Variants in SASH1 observed in about 807,000 individuals in gnomAD.
SASH1 encodes the protein SAM and SH3 domain containing 1.
A neutral mutation model predicts 125.2 loss-of-function variants in SASH1; 44 were observed. That is an observed-to-expected ratio of 0.35 (90% CI 0.28 to 0.45). SASH1 has a LOEUF of 0.45. Ranked by LOEUF, SASH1 falls within the 20% of genes least tolerant of loss-of-function variation. The pLI is 1.00. For synonymous variants in SASH1, 639 were observed against 649.1 expected (o/e 0.98, Z 0.24); for missense variants, 1,426 against 1,614.5 (o/e 0.88, Z 2.00).
intron 10 of SASH1, among the ~76,000 whole-genome samples, chr6:148,523,387 A>ACAT (rs113917691): frequency 2.6e-5 from 4 of 152,328 alleles, no homozygotes; most frequent in African/African-American, 9.6e-5. Flanking sequence ...GGTGGTCATA[A>ACAT]CATTGCTTAC....
At chr6:148,326,906 G>A (rs1463523937) in intron 1 of SASH1, among the ~76,000 whole-genome samples, 1 of 152,064 alleles carries the variant, frequency 6.6e-6, no homozygotes, top group Non-Finnish European at 1.5e-5. Context: ...TACCTCCACC[G>A]TCACATCCTG....
chr6:148,413,539 C>T (rs894115022), intron 2 of SASH1, among the ~76,000 whole-genome samples: 4 of 152,134 alleles, frequency 2.6e-5, no homozygotes, highest in African/African-American at 9.7e-5. Context: ...GCTGCTGGGA[C>T]ATTCTTGTGG....
intron 1 of SASH1, among the ~76,000 whole-genome samples, chr6:148,378,438 T>A (rs898940507): frequency 2.0e-5 from 3 of 152,058 alleles, no homozygotes; most frequent in Admixed American, 6.6e-5. Context: ...CACTGCAGCC[T>A]CTGCCTCCCT....
chr6:148,204,596 G>A, the SASH1 span, among the ~76,000 whole-genome samples: 2 of 152,272 alleles, frequency 1.3e-5, no homozygotes, highest in African/African-American at 4.8e-5. Flanking sequence ...GGAGGCTGAG[G>A]TAGGAGAATC....
At position 148,527,435 on chromosome 6, in the gene SASH1, C is replaced by G. The variant is rs1781243818; in HGVS notation, c.1285-18C>G. On this transcript the variant is annotated intron_variant, in intron 11 of 19. Coordinates refer to ENST00000367467, the MANE Select transcript of SASH1 (RefSeq NM_015278.5). ...CATTTTCTGCGACCAACAATACTTGCAACATTTTGTTTTACAGGGTAAAGA... is the reference window on the plus strand; with the variant it reads ...CATTTTCTGCGACCAACAATACTTGGAACATTTTGTTTTACAGGGTAAAGA... 4 of 1,553,638 alleles carry G rather than the reference C, an allele frequency of 2.6e-6. No individual in the cohort carries two copies. The highest frequency in any genetic ancestry group is 3.5e-6 in the Non-Finnish European group (4 of 1,155,956).
the SASH1 span, among the ~76,000 whole-genome samples, chr6:148,225,345 T>C: frequency 6.6e-6 from 1 of 152,222 alleles, no homozygotes; most frequent in African/African-American, 2.4e-5. Context: ...AGATTGAGAG[T>C]AGATTAAAAA....
At chr6:148,419,525 T>C (rs986222339) in intron 2 of SASH1, among the ~76,000 whole-genome samples, 4 of 152,244 alleles carry the variant, frequency 2.6e-5, no homozygotes, top group African/African-American at 9.6e-5. Flanking sequence ...ATCATATCTC[T>C]AGGTTCACGT....
chr6:148,442,918 C>T (rs1050504284), intron 4 of SASH1, among the ~76,000 whole-genome samples: 3 of 151,996 alleles, frequency 2.0e-5, no homozygotes, highest in African/African-American at 7.2e-5. Flanking sequence ...AGATTACAGG[C>T]ACCCGCCACC....
At chr6:148,311,925 T>C (rs1194536076) in intron 1 of SASH1, among the ~76,000 whole-genome samples, 1 of 152,204 alleles carries the variant, frequency 6.6e-6, no homozygotes, top group African/African-American at 2.4e-5. Context: ...AGGTAAACTC[T>C]GGTACATCCC....
chr6:148,441,779 G>A (rs1381206174), intron 4 of SASH1, among the ~76,000 whole-genome samples: 1 of 152,100 alleles, frequency 6.6e-6, no homozygotes, highest in Non-Finnish European at 1.5e-5. Context: ...AGTTAGGCTG[G>A]GTAGTACTTC....
intron 1 of SASH1, among the ~76,000 whole-genome samples, chr6:148,351,269 G>A (rs1238252283): frequency 7.9e-6 from 1 of 127,186 alleles, no homozygotes; most frequent in Non-Finnish European, 1.6e-5. Flanking sequence ...AAATATATTT[G>A]TATTTATGTT....
At chr6:148,393,060 T>G (rs1223315834) in intron 2 of SASH1, among the ~76,000 whole-genome samples, 1 of 148,924 alleles carries the variant, frequency 6.7e-6, no homozygotes, top group Non-Finnish European at 1.5e-5. Flanking sequence ...TTTTTTTTTT[T>G]TTTGAGATGG....
chr6:148,526,692 A>G (rs1455759820), intron 11 of SASH1, among the ~76,000 whole-genome samples: 2 of 152,138 alleles, frequency 1.3e-5, no homozygotes, highest in African/African-American at 4.8e-5. Context: ...GCTCTTTAAG[A>G]GAGAGAAATT....
At chr6:148,275,849 G>A (rs1779169458) in intron 1 of SASH1, among the ~76,000 whole-genome samples, 1 of 152,040 alleles carries the variant, frequency 6.6e-6, no homozygotes, top group African/African-American at 2.4e-5. Flanking sequence ...AGCCTCCCAC[G>A]TAGCAGGGAC....
At chr6:148,328,789 C>T (rs962820617) in intron 1 of SASH1, among the ~76,000 whole-genome samples, 3 of 152,142 alleles carry the variant, frequency 2.0e-5, no homozygotes, top group Non-Finnish European at 4.4e-5. Flanking sequence ...CCCTTGCTGT[C>T]ATTTATCTTT....
intron 1 of SASH1, chr6:148,280,357 G>C (rs1013982298): frequency 6.6e-6 from 1 of 152,084 alleles, no homozygotes; most frequent in African/African-American, 2.4e-5. Context: ...AGAGTTCAGT[G>C]TCCTGGGAAA....
the SASH1 span, among the ~76,000 whole-genome samples, chr6:148,244,274 C>T: frequency 6.6e-6 from 1 of 152,154 alleles, no homozygotes; most frequent in South Asian, 2.1e-4. Context: ...ACCTTACCAC[C>T]TACTAGGTTT....
intron 8 of SASH1, among the ~76,000 whole-genome samples, chr6:148,512,220 G>A (rs1427128395): frequency 2.0e-5 from 3 of 151,992 alleles, no homozygotes; most frequent in Non-Finnish European, 2.9e-5. Context: ...GGGTTTCACC[G>A]TGTTAGCCGG....
At chr6:148,406,555 A>G (rs564854142) in intron 2 of SASH1, among the ~76,000 whole-genome samples, 26 of 152,328 alleles carry the variant, frequency 1.7e-4, no homozygotes, top group African/African-American at 6.3e-4. Context: ...ATCATGGAGC[A>G]TAGATGCAGA....
Sources: allele counts gnomAD v4.1 joint callset (sites outside exome capture counted in the v4.1 genomes callset), GRCh38; gene constraint gnomAD v4.1.1; transcripts MANE v1.5; gene names NCBI Gene and HGNC (gene_info 2026-07-23, HGNC 2026-07-21).